The following DENND1A variants were observed in gnomAD, a reference collection of about 807,000 sequenced individuals.
The protein encoded by DENND1A is DENN domain containing 1A, also known as DENN domain-containing protein 1A.
Under a neutral mutation model 113.7 loss-of-function variants are expected in DENND1A, and 51 were observed. The observed-to-expected ratio is 0.45, with a 90% CI of 0.36 to 0.57. DENND1A has a LOEUF of 0.57. Among genes scored for constraint, DENND1A ranks in the 20% least tolerant of loss-of-function variants. DENND1A has a pLI of 0.00. For missense variants in DENND1A, 1,258 were observed against 1,395.9 expected (o/e 0.90, Z 1.57); for synonymous variants, 565 against 570.8 (o/e 0.99, Z 0.14).
At chr9:123,701,384 C>G (rs1194058770) in intron 5 of DENND1A, among the ~76,000 whole-genome samples, 1 of 152,172 alleles carries the variant, frequency 6.6e-6, no homozygotes, top group Non-Finnish European at 1.5e-5. Flanking sequence ...CATGTCATCC[C>G]TCCCCTTACC....
chr9:123,663,965 T>C (rs1249442666), intron 8 of DENND1A, among the ~76,000 whole-genome samples: 3 of 152,200 alleles, frequency 2.0e-5, no homozygotes, highest in Non-Finnish European at 4.4e-5. Context: ...TCTAGTGCTC[T>C]GATCAGTTAG....
intron 2 of DENND1A, among the ~76,000 whole-genome samples, chr9:123,840,762 C>T (rs935139897): frequency 2.0e-5 from 3 of 152,172 alleles, no homozygotes; most frequent in Non-Finnish European, 4.4e-5. Flanking sequence ...ATGCAAGACT[C>T]AGCACCGCCT....
chr9:123,612,504 A>T (rs1262204780), intron 10 of DENND1A, among the ~76,000 whole-genome samples: 2 of 152,212 alleles, frequency 1.3e-5, no homozygotes. Flanking sequence ...TAACAGCTTT[A>T]TATCTTTGAA....
Position 123,879,012 on chromosome 9 carries a change from T to C in DENND1A, c.27A>G (p.Pro9=). The part of the protein sequence containing the change: MGSRIKQN[P]ETTFEVYVEV... ...CAACATATACTTCAAATGTGGTCTCTGGATTCTGCCTACAAAAGAAACAGA... is the reference window on the plus strand; with the variant it reads ...CAACATATACTTCAAATGTGGTCTCCGGATTCTGCCTACAAAAGAAACAGA... The change falls in exon 2 of 24, where the codon CCA becomes CCG. Residue 9 remains proline (P), a synonymous_variant. Coordinates refer to ENST00000394215, the MANE Select transcript of DENND1A (RefSeq NM_001352964.2). The C allele has an allele frequency of 6.2e-7, 1 of 1,613,946 alleles. No homozygotes were observed. The highest frequency in any genetic ancestry group is 1.1e-5 in the South Asian group (1 of 91,092).
At chr9:123,904,133 G>T (rs1393461959) in intron 1 of DENND1A, among the ~76,000 whole-genome samples, 2 of 152,242 alleles carry the variant, frequency 1.3e-5, no homozygotes, top group East Asian at 3.9e-4. Context: ...ACACAGCAGG[G>T]TATTCCAACA....
intron 10 of DENND1A, among the ~76,000 whole-genome samples, chr9:123,611,325 C>T (rs1255144931): frequency 6.6e-6 from 1 of 152,176 alleles, no homozygotes; most frequent in Non-Finnish European, 1.5e-5. Flanking sequence ...CTCAAACTTC[C>T]CAGTGTGCCT....
Position 123,766,680 on chromosome 9 carries a change from G to A in DENND1A, c.182+2834C>T, listed in dbSNP as rs1175151052. ...TTGGGCAAGTCCCAATTTCTCTGCA[G>A]CTTAGAATTTTGTTCAAATGAAGAT... On this transcript the variant is annotated intron_variant, in intron 4 of 23. Transcript: ENST00000394215. 2.0e-5 allele frequency among the ~76,000 whole-genome samples: 3 copies of A among 152,212 alleles called. No individual in the cohort carries two copies. In the East Asian group the frequency reaches 5.8e-4, roughly 29 times the overall value.
rs755409308 is a variant in DENND1A, at chr9:123,457,852, G to T, written c.1039C>A (p.Arg347Ser). 2.5e-6 allele frequency: 4 copies of T among 1,612,730 alleles called. No individual in the cohort carries two copies. The highest frequency in any genetic ancestry group is 3.4e-6 in the Non-Finnish European group (4 of 1,179,442). Residue 347 changes from arginine (R) to serine (S), a missense_variant, in exon 14 of 24, where the codon CGC (arginine) becomes AGC (serine). By Grantham distance (110) the Arg-to-Ser change is moderately radical. This residue lies in a region of DENND1A where 1,159 missense variants were observed against 1,231.7 expected (regional missense o/e 0.94). Transcript: ENST00000394215. ...AGGAACTGCCTCATGGCTCCGGAGC[G>T]GTAGTGGGACACGAAGGCTTCCTCA... is the stretch of plus-strand genomic sequence containing the variant. ...FCEEAFVSHY[R>S]SGAMRQFLQN...
intron 3 of DENND1A, among the ~76,000 whole-genome samples, chr9:123,791,430 G>A (rs1832978024): frequency 1.3e-5 from 2 of 152,072 alleles, no homozygotes; most frequent in South Asian, 4.1e-4. Context: ...AGAGTCAGAA[G>A]ATTTTAATAT....
chr9:123,911,517 A>G (rs573346476), intron 1 of DENND1A, among the ~76,000 whole-genome samples: 24 of 152,344 alleles, frequency 1.6e-4, no homozygotes, highest in Admixed American at 2.6e-4. Context: ...GAATCGTACT[A>G]CGCAGCAATG....
At chr9:123,674,393 CAA>C (rs1491504949) in intron 6 of DENND1A, among the ~76,000 whole-genome samples, 1 of 139,002 alleles carries the variant, frequency 7.2e-6, no homozygotes, top group African/African-American at 2.7e-5. Flanking sequence ...CACACACACA[CAA>C]TAGAAGCCTA....
intron 10 of DENND1A, among the ~76,000 whole-genome samples, chr9:123,624,236 G>T (rs1305602255): frequency 6.6e-6 from 1 of 152,080 alleles, no homozygotes; most frequent in Non-Finnish European, 1.5e-5. Flanking sequence ...CATGTTTCAG[G>T]CTCCTAGCAC....
intron 12 of DENND1A, among the ~76,000 whole-genome samples, chr9:123,572,864 C>T (rs1042057872): frequency 1.3e-5 from 2 of 152,032 alleles, no homozygotes; most frequent in Admixed American, 6.5e-5. Context: ...GAAATTTTTG[C>T]CTACCCCCAA....
chr9:123,381,345 CAGAG>C lies in DENND1A; in HGVS notation c.*83_*86del. 12 of 1,343,088 alleles carry C rather than the reference CAGAG, an allele frequency of 8.9e-6. No individual in the cohort carries two copies. The highest frequency in any genetic ancestry group is 1.9e-5 in the Admixed American group (1 of 53,726). The allele number at this position is 1,343,088 out of a possible 1,614,324, so 83.2% of individuals were successfully genotyped here. A position where few individuals can be genotyped will look rare whatever the true frequency, so the allele number is the denominator to read the frequency against. On this transcript the variant is annotated 3_prime_UTR_variant, in exon 24 of 24. Transcript: ENST00000394215. The surrounding 1 kb of genome is among the most constrained non-coding windows in gnomAD (Gnocchi z 4.7). The stretch of plus-strand genomic sequence containing the variant: ...TCCCTTCCCACCAGCAGAACCTGGG[CAGAG>C]AGAGAGTGGCGGGGGAGCCTCGGAA...
chr9:123,566,670 G>A (rs192403374), intron 12 of DENND1A, among the ~76,000 whole-genome samples: 4 of 151,926 alleles, frequency 2.6e-5, no homozygotes, highest in African/African-American at 9.7e-5. Flanking sequence ...ACCAAAAAAG[G>A]CCTGTTTCCA....
At chr9:123,657,649 G>A (rs1029972217) in intron 8 of DENND1A, among the ~76,000 whole-genome samples, 1 of 152,146 alleles carries the variant, frequency 6.6e-6, no homozygotes, top group Non-Finnish European at 1.5e-5. Flanking sequence ...TCTTGTGTCT[G>A]AAGGCAGCTT....
intron 5 of DENND1A, among the ~76,000 whole-genome samples, chr9:123,689,579 G>T (rs2065036091): frequency 6.6e-6 from 1 of 152,116 alleles, no homozygotes; most frequent in African/African-American, 2.4e-5. Context: ...CATGTGCTAA[G>T]AGAATGGCTA....
At chr9:123,579,927 T>C (rs1290374102) in intron 12 of DENND1A, among the ~76,000 whole-genome samples, 1 of 152,220 alleles carries the variant, frequency 6.6e-6, no homozygotes, top group Non-Finnish European at 1.5e-5. Context: ...AAACCACTGC[T>C]GTAGAACATT....
intron 5 of DENND1A, among the ~76,000 whole-genome samples, chr9:123,715,763 G>A (rs987202822): frequency 6.6e-6 from 1 of 152,084 alleles, no homozygotes; most frequent in African/African-American, 2.4e-5. Context: ...TCCGCTCACT[G>A]CAGCCTTGAC....
Sources: allele counts gnomAD v4.1 joint callset (sites outside exome capture counted in the v4.1 genomes callset), GRCh38; gene constraint gnomAD v4.1.1; regional missense constraint gnomAD v4.1.1; non-coding constraint Gnocchi (gnomAD v3.1); transcripts MANE v1.5; gene names NCBI Gene and HGNC (gene_info 2026-07-23, HGNC 2026-07-21).